Variants in SYT3 observed in about 807,000 individuals in gnomAD.
The protein encoded by SYT3 is synaptotagmin 3, also known as synaptotagmin-3.
SYT3 carries 25 observed loss-of-function variants against 50.6 expected under a neutral mutation model. The ratio of observed to expected loss-of-function variants is 0.49; its 90% CI spans 0.36 to 0.69. The LOEUF (loss-of-function observed/expected upper bound fraction) is 0.69, where lower values mean the gene tolerates loss of function less well. Among genes scored for constraint, SYT3 ranks in the 30% least tolerant of loss-of-function variants. The probability of loss-of-function intolerance (pLI) is 0.00; values close to 1 mark genes in which losing one functional copy is unlikely to be tolerated. For synonymous variants in SYT3, 323 were observed against 353.9 expected (o/e 0.91, Z 0.98); for missense variants, 589 against 793.6 (o/e 0.74, Z 3.10).
At chr19:50,641,142 G>A (rs1434713086), upstream of SYT3, among the ~76,000 whole-genome samples, 2 of 150,536 alleles carry the variant, frequency 1.3e-5, no homozygotes, top group Non-Finnish European at 3.0e-5. Flanking sequence ...AGGAGGCTGA[G>A]GTGGGAGGAT....
chr19:50,646,083 G>C, the SYT3 span, among the ~76,000 whole-genome samples: 1 of 152,296 alleles, frequency 6.6e-6, no homozygotes, highest in South Asian at 2.1e-4. Flanking sequence ...GAGGAGGAGG[G>C]ACAGTGACAT....
chr19:50,625,126 G>T lies in SYT3; in HGVS notation c.1707+36C>A. 2.0e-6 allele frequency: 3 copies of T among 1,531,340 alleles called. No homozygotes were observed. Among genetic ancestry groups the T allele is most frequent in the Non-Finnish European group, 8.7e-7 (1 of 1,144,636 alleles). 94.9% of individuals were successfully genotyped at this position (1,531,340 alleles called of 1,614,324 possible). The stretch of plus-strand genomic sequence containing the variant: ...GGATGAAGGGGCCGAGGGTGCACGG[G>T]TGCTTGTCAGGGGTCGGTGTGGGAC... On this transcript the variant is annotated intron_variant, in intron 9 of 10. Coordinates refer to ENST00000600079, the MANE Select transcript of SYT3 (RefSeq NM_001160329.2). This position sits in a 1 kb window ranked among gnomAD's most constrained non-coding sequence, Gnocchi z 7.5.
At position 50,630,040 on chromosome 19, in the gene SYT3, T is replaced by C. The variant is rs1198677176; in HGVS notation, c.806A>G (p.Gln269Arg). 2.5e-6 allele frequency: 4 copies of C among 1,614,016 alleles called. No individual in the cohort carries two copies. In the South Asian group the frequency reaches 3.3e-5, roughly 13 times the overall value. ...GGEEKAKLIGQIKPELYQGTG... is the reference protein window; with the variant it reads ...GGEEKAKLIGRIKPELYQGTG... ...CCCCTGGTACAGCTCTGGCTTAATC[T>C]GCCCAATGAGTTTGGCTTTTTCCTC... The change falls in exon 5 of 11, where the codon CAG (glutamine) becomes CGG (arginine). Residue 269 changes from glutamine to arginine, a missense_variant. Gln to Arg is a conservative substitution (Grantham distance 43). Around this residue, in one of 2 missense-constraint regions of SYT3, gnomAD observed 316 missense variants for 354.3 expected, o/e 0.89. Transcript: ENST00000600079.
rs1396167099 is a variant in SYT3 at position 50,629,320 on chromosome 19, A to G, written c.1255T>C (p.Trp419Arg). The part of the protein sequence containing the change: ...LAEQPPDRPL[W>R]RDIVEGGSEK... ...GAGCCGCCCTCCACGATGTCCCTCC[A>G]GAGCGGGCGGTCAGGGGGCTGCTCG... The change falls in exon 6 of 11, where the codon TGG becomes CGG. Residue 419 changes from tryptophan (W) to arginine (R), a missense_variant. Transcript: ENST00000600079. The G allele has an allele frequency of 6.2e-7, 1 of 1,611,608 alleles. No homozygotes were observed.
chr19:50,644,722 G>T (rs1323413887), upstream of SYT3, among the ~76,000 whole-genome samples: 1 of 151,864 alleles, frequency 6.6e-6, no homozygotes, highest in East Asian at 1.9e-4. Context: ...GGATGCTGCA[G>T]AAATAAATAA....
In SYT3 at chr19:50,629,274, C is replaced by A. The variant is rs764257044; in HGVS notation, c.1281+20G>T. The A allele has an allele frequency of 6.3e-7, 1 of 1,575,284 alleles. No individual in the cohort carries two copies. The highest frequency in any genetic ancestry group is 8.6e-7 in the Non-Finnish European group (1 of 1,157,028). ...CTCAGGGCCCTGGGAAGGGGAAGGT[C>A]AGGGGAGAGGGCCACTGACCGAGCC... On this transcript the variant is annotated intron_variant, in intron 6 of 10. Transcript: ENST00000600079.
chr19:50,625,646 T>C lies in SYT3; in HGVS notation c.1403-82A>G. On this transcript the variant is annotated intron_variant, in intron 7 of 10. Transcript: ENST00000600079. This position sits in a 1 kb window ranked among gnomAD's most constrained non-coding sequence, Gnocchi z 7.5. The stretch of plus-strand genomic sequence containing the variant: ...AGGACCCCAGGCCCCGAGCCCCTCC[T>C]CCCTCAGACCCAGAGGTCCGGGGCC... The C allele has an allele frequency of 6.8e-7, 1 of 1,474,138 alleles. No individual in the cohort carries two copies. The highest frequency in any genetic ancestry group is 9.0e-7 in the Non-Finnish European group (1 of 1,111,892). 91.3% of individuals were successfully genotyped at this position (1,474,138 alleles called of 1,614,324 possible). A position where few individuals can be genotyped will look rare whatever the true frequency, so the allele number is the denominator to read the frequency against.
chr19:50,640,533 T>G (rs531866286), upstream of SYT3, among the ~76,000 whole-genome samples: 2 of 152,134 alleles, frequency 1.3e-5, no homozygotes, highest in Admixed American at 6.5e-5. Flanking sequence ...TTTGAAAGCG[T>G]TTTCTCATTT....
intron 3 of SYT3, among the ~76,000 whole-genome samples, chr19:50,633,072 C>T (rs1221181370): frequency 6.6e-6 from 1 of 152,208 alleles, no homozygotes; most frequent in African/African-American, 2.4e-5. Context: ...CCCTCGAACT[C>T]TTGGGCTCAA....
chr19:50,631,435 A>G (rs1019993266), intron 4 of SYT3, among the ~76,000 whole-genome samples: 10 of 152,102 alleles, frequency 6.6e-5, no homozygotes, highest in African/African-American at 1.9e-4. Flanking sequence ...AAGTGCTGGG[A>G]TTACAGGCAT....
the SYT3 span, among the ~76,000 whole-genome samples, chr19:50,647,718 G>A: frequency 6.6e-6 from 1 of 152,078 alleles, no homozygotes; most frequent in Admixed American, 6.5e-5. Context: ...AGCAGGAGAG[G>A]ACGAGGTCTG....
chr19:50,634,403 C>T (rs2387137), intron 3 of SYT3, among the ~76,000 whole-genome samples: 124,245 of 152,142 alleles, frequency 0.82, 51,900 homozygotes, highest in African/African-American at 0.91. Flanking sequence ...AGTGAAGCTA[C>T]AGTGGTGTGT....
At position 50,632,793 on chromosome 19, in the gene SYT3, A is replaced by C. The variant is rs770034923; in HGVS notation, c.167T>G (p.Leu56Arg). ...GPDADISVSLLSVIVTFCGIV... is the reference protein window; with the variant it reads ...GPDADISVSLRSVIVTFCGIV... ...GCCACAGAATGTCACGATGACCGAC[A>C]GCAGGCTCACGGAGATGTCTGGAGA... The change falls in exon 4 of 11, where the codon CTG becomes CGG. Residue 56 changes from leucine (L) to arginine (R), a missense_variant. Around this residue, in one of 2 missense-constraint regions of SYT3, gnomAD observed 316 missense variants for 354.3 expected, o/e 0.89. Coordinates refer to ENST00000600079, the MANE Select transcript of SYT3 (RefSeq NM_001160329.2). This position sits in a 1 kb window ranked among gnomAD's most constrained non-coding sequence, Gnocchi z 4.7. 6.6e-7 allele frequency: 1 copy of C among 1,517,746 alleles called. No individual in the cohort carries two copies. The highest frequency in any genetic ancestry group is 1.3e-5 in the South Asian group (1 of 78,638). The allele number at this position is 1,517,746 out of a possible 1,614,324, so 94.0% of individuals were successfully genotyped here.
chr19:50,655,386 T>A, the SYT3 span, among the ~76,000 whole-genome samples: 1 of 152,070 alleles, frequency 6.6e-6, no homozygotes, highest in African/African-American at 2.4e-5. Flanking sequence ...CATAGTGGCT[T>A]ATGCCTGTAA....
At chr19:50,633,576 G>C (rs1361476742) in intron 3 of SYT3, among the ~76,000 whole-genome samples, 1 of 152,160 alleles carries the variant, frequency 6.6e-6, no homozygotes. Flanking sequence ...GTGGCCTTGG[G>C]AACATATCTT....
chr19:50,625,150 A>AC lies in SYT3; in HGVS notation c.1707+11dup, dbSNP rs1983997360. 1 of 1,568,322 alleles carries AC rather than the reference A, an allele frequency of 6.4e-7. No individual in the cohort carries two copies. On this transcript the variant is annotated intron_variant, in intron 9 of 10. Transcript: ENST00000600079. This position sits in a 1 kb window ranked among gnomAD's most constrained non-coding sequence, Gnocchi z 7.5. ...GGTGCTTGTCAGGGGTCGGTGTGGG[A>AC]CCCCTACTCACCTCCACTAGCTGAT...
At chr19:50,641,680 T>A (rs1347670771), upstream of SYT3, among the ~76,000 whole-genome samples, 3 of 151,798 alleles carry the variant, frequency 2.0e-5, no homozygotes, top group Non-Finnish European at 2.9e-5. Flanking sequence ...ACCCTGTCTC[T>A]ACAAAAAATA....
chr19:50,634,291 G>C (rs1233917257), intron 3 of SYT3, among the ~76,000 whole-genome samples: 1 of 152,202 alleles, frequency 6.6e-6, no homozygotes, highest in Non-Finnish European at 1.5e-5. Context: ...GAAGCAGGTA[G>C]CTAGGCCATT....
intron 6 of SYT3, 145 bp from the exon 7 acceptor site, chr19:50,626,162 A>T (rs900934292): frequency 1.1e-4 from 150 of 1,325,714 alleles, no homozygotes; most frequent in Non-Finnish European, 1.4e-4. Flanking sequence ...GACTCTTGGG[A>T]CAAGGCCCAG....
Sources: gnomAD v4.1 joint callset for allele counts (sites outside exome capture counted in the v4.1 genomes callset) on GRCh38, gnomAD v4.1.1 for gene constraint, gnomAD v4.1.1 regional missense constraint, Gnocchi (gnomAD v3.1) non-coding constraint, MANE v1.5 for transcripts, NCBI Gene and HGNC (gene_info 2026-07-23, HGNC 2026-07-21) for gene names.